KLHL4: variants seen among roughly 807,000 people sequenced by gnomAD.
KLHL4 encodes the protein kelch-like protein 4.
A neutral mutation model predicts 45.8 loss-of-function variants in KLHL4; 17 were observed. The ratio of observed to expected loss-of-function variants is 0.37; its 90% CI spans 0.25 to 0.56. KLHL4 has a LOEUF of 0.56. Among genes scored for constraint, KLHL4 ranks in the 20% least tolerant of loss-of-function variants. The probability of loss-of-function intolerance (pLI) is 0.79; values close to 1 mark genes in which losing one functional copy is unlikely to be tolerated. For synonymous variants in KLHL4, 224 were observed against 189.9 expected (o/e 1.18, Z -1.47); for missense variants, 544 against 544.9 (o/e 1.00, Z 0.02).
chrX:87,605,038 G>C (rs1289112251), intron 1 of KLHL4, among the ~76,000 whole-genome samples: 2 of 111,390 alleles, frequency 1.8e-5, no homozygotes, highest in Non-Finnish European at 3.8e-5. Flanking sequence ...CCCAGTGTGT[G>C]TTGTTGAAAC....
At chrX:87,607,826 C>G in intron 1 of KLHL4, among the ~76,000 whole-genome samples, 1 of 111,549 alleles carries the variant, frequency 9.0e-6, no homozygotes, top group Middle Eastern at 4.7e-3. Flanking sequence ...AACCCCTTTC[C>G]TAATAACATG....
At chrX:87,537,496 A>C (rs1931457201) in intron 1 of KLHL4, among the ~76,000 whole-genome samples, 1 of 110,878 alleles carries the variant, frequency 9.0e-6, no homozygotes, top group Non-Finnish European at 1.9e-5. Flanking sequence ...ACGTTTATAT[A>C]AATATATATA....
chrX:87,637,635 GA>G (rs1923310178), intron 9 of KLHL4, among the ~76,000 whole-genome samples: 1 of 111,746 alleles, frequency 8.9e-6, no homozygotes. Flanking sequence ...ATTCTCCAGT[GA>G]AATAGATAGC....
chrX:87,582,374 G>C (rs1921312645), intron 1 of KLHL4, among the ~76,000 whole-genome samples: 1 of 111,754 alleles, frequency 8.9e-6, no homozygotes, highest in African/African-American at 3.3e-5. Context: ...GAGCCTGTCT[G>C]AGTATTTTTG....
intron 1 of KLHL4, among the ~76,000 whole-genome samples, chrX:87,581,069 C>A (rs1921260955): frequency 1.8e-5 from 2 of 112,492 alleles, no homozygotes; most frequent in East Asian, 5.7e-4. Context: ...ACAGTTGGTT[C>A]ATCAGCATGA....
chrX:87,652,032 C>T lies in KLHL4; in HGVS notation c.1926-12732C>T, dbSNP rs767898019. ...GAGGTTCCCAAACCCCAATTATTGA[C>T]TTATGTGCACTTGCAGGCTCAACAC... On this transcript the variant is annotated intron_variant, in intron 9 of 10. Transcript: ENST00000373119. Among the ~76,000 whole-genome samples, 16 of 112,641 alleles carry T rather than the reference C, an allele frequency of 1.4e-4. No individual in the cohort carries two copies. The Admixed American group carries it at 1.5e-3, about 11-fold the overall frequency.
At chrX:87,586,647 G>A (rs1399366711) in intron 1 of KLHL4, among the ~76,000 whole-genome samples, 2 of 110,922 alleles carry the variant, frequency 1.8e-5, no homozygotes, top group Admixed American at 9.6e-5. Context: ...AGGGAAGTTT[G>A]CAGCTATAAG....
At chrX:87,640,109 C>T (rs2147829209) in intron 9 of KLHL4, among the ~76,000 whole-genome samples, 1 of 110,552 alleles carries the variant, frequency 9.0e-6, no homozygotes, top group African/African-American at 3.3e-5. Context: ...GGATAAATTC[C>T]TAGAAATATA....
Position 87,614,007 on chromosome X carries a change from C to G in KLHL4, c.553C>G (p.Leu185Val), listed in dbSNP as rs773218162. The G allele has an allele frequency of 9.1e-6, 11 of 1,207,172 alleles. No homozygotes were observed. Among genetic ancestry groups the G allele is most frequent in the Non-Finnish European group, 1.2e-5 (11 of 893,071 alleles). ...YLKEKQLCDV[L>V]LIAGHLRIPA... ...GAAAGAGAAACAACTATGTGATGTG[C>G]TACTGATTGCAGGACACCTCCGCAT... The change falls in exon 2 of 11, where the codon CTA (leucine) becomes GTA (valine). Residue 185 changes from leucine to valine, a missense_variant. By Grantham distance (32) the Leu-to-Val change is conservative. Coordinates refer to ENST00000373119, the MANE Select transcript of KLHL4 (RefSeq NM_019117.5).
At chrX:87,523,728 C>T (rs773974749) in intron 1 of KLHL4, among the ~76,000 whole-genome samples, 111 of 111,294 alleles carry the variant, frequency 1.0e-3, no homozygotes, top group Middle Eastern at 4.7e-3. Flanking sequence ...TTTGGGAGGC[C>T]GAGGCAGGCG....
rs1923180718 is a variant in KLHL4 at position 87,633,931 on chromosome X, C to T, written c.1712+20C>T. ...CAACAAGTGAGTAAGTTGAAACACACATGTTCATTGCTCCCAGGTCATATA... is the reference window on the plus strand; with the variant it reads ...CAACAAGTGAGTAAGTTGAAACACATATGTTCATTGCTCCCAGGTCATATA... On this transcript the variant is annotated intron_variant, in intron 8 of 10. Coordinates refer to ENST00000373119, the MANE Select transcript of KLHL4 (RefSeq NM_019117.5). 3 of 1,175,222 alleles carry T rather than the reference C, an allele frequency of 2.6e-6. No homozygotes were observed. Among genetic ancestry groups the T allele is most frequent in the South Asian group, 1.9e-5 (1 of 51,321 alleles).
chrX:87,523,588 G>A (rs1480918776), intron 1 of KLHL4, among the ~76,000 whole-genome samples: 2 of 111,673 alleles, frequency 1.8e-5, no homozygotes, highest in Non-Finnish European at 3.8e-5. Context: ...AATTTCAATA[G>A]CAAAAGGAAG....
chrX:87,519,724 G>T (rs1003453702), intron 1 of KLHL4, among the ~76,000 whole-genome samples: 2 of 111,757 alleles, frequency 1.8e-5, no homozygotes, highest in African/African-American at 6.5e-5. Flanking sequence ...AATTCAGCAG[G>T]CTTTCAAATT....
At chrX:87,589,255 C>A (rs1050442845) in intron 1 of KLHL4, among the ~76,000 whole-genome samples, 1 of 111,832 alleles carries the variant, frequency 8.9e-6, no homozygotes, top group Non-Finnish European at 1.9e-5. Context: ...GGATGTTCCT[C>A]AATCAACTAA....
At chrX:87,617,887 C>T (rs760920899) in intron 3 of KLHL4, 45 bp from the exon 4 acceptor site, 21 of 1,065,078 alleles carry the variant, frequency 2.0e-5, no homozygotes, top group Middle Eastern at 2.7e-4. Context: ...GTAGTTTTTA[C>T]TTTATGGAAC....
intron 1 of KLHL4, among the ~76,000 whole-genome samples, chrX:87,590,037 TAAAAAA>T (rs151242094): frequency 1.3e-5 from 1 of 75,646 alleles, no homozygotes. Flanking sequence ...AAACTCCTTC[TAAAAAA>T]AAAAAAAAAA....
chrX:87,615,416 C>T lies in KLHL4; in HGVS notation c.727+846C>T, dbSNP rs766275672. ...AACAACAATTCATTTAAAAATATATCTGTATGACAGTCCCTCAAAAGTTAA... is the reference window on the plus strand; with the variant it reads ...AACAACAATTCATTTAAAAATATATTTGTATGACAGTCCCTCAAAAGTTAA... On this transcript the variant is annotated intron_variant, in intron 3 of 10. Coordinates refer to ENST00000373119, the MANE Select transcript of KLHL4 (RefSeq NM_019117.5). Among the ~76,000 whole-genome samples the T allele has an allele frequency of 6.8e-3, 761 of 111,107 alleles. 3 individuals carry two copies. Among genetic ancestry groups the T allele is most frequent in the Middle Eastern group, 0.014 (3 of 213 alleles).
At chrX:87,617,525 A>T (rs1044290434) in intron 3 of KLHL4, among the ~76,000 whole-genome samples, 1 of 111,954 alleles carries the variant, frequency 8.9e-6, no homozygotes, top group Non-Finnish European at 1.9e-5. Flanking sequence ...AGTCATAATG[A>T]AAGTTTTTTC....
At chrX:87,601,949 T>G (rs1211859896) in intron 1 of KLHL4, among the ~76,000 whole-genome samples, 1 of 111,041 alleles carries the variant, frequency 9.0e-6, no homozygotes, top group African/African-American at 3.3e-5. Context: ...TAGTGACATC[T>G]TAATAATCTT....
Sources: gnomAD v4.1 joint callset for allele counts (sites outside exome capture counted in the v4.1 genomes callset) on GRCh38, gnomAD v4.1.1 for gene constraint, MANE v1.5 for transcripts, NCBI Gene and HGNC (gene_info 2026-07-23, HGNC 2026-07-21) for gene names.